MED16: variants seen among roughly 807,000 people sequenced by gnomAD.
MED16 encodes the protein mediator complex subunit 16.
A neutral mutation model predicts 84.4 loss-of-function variants in MED16; 81 were observed. The ratio of observed to expected loss-of-function variants is 0.96; its 90% CI spans 0.80 to 1.15. The LOEUF is 1.15. Among genes scored for constraint, MED16 ranks in the 50% most tolerant of loss-of-function variants. The pLI is 0.00. For missense variants in MED16, 1,585 were observed against 1,245.9 expected (o/e 1.27, Z -4.10); for synonymous variants, 897 against 552.2 (o/e 1.62, Z -8.76).
intron 14 of MED16, 90 bp from the exon 15 acceptor site, chr19:868,589 C>G: frequency 2.0e-6 from 3 of 1,527,388 alleles, no homozygotes; most frequent in Non-Finnish European, 2.6e-6. Context: ...AGGTCTCCCT[C>G]TGCTCGCCGT....
At chr19:875,891 G>A (rs936303286) in intron 9 of MED16, among the ~76,000 whole-genome samples, 7 of 152,162 alleles carry the variant, frequency 4.6e-5, no homozygotes, top group East Asian at 1.9e-4. Flanking sequence ...GAGGCTGGAG[G>A]ATTCCTGGAG....
intron 4 of MED16, among the ~76,000 whole-genome samples, chr19:887,404 A>C (rs764994870): frequency 3.9e-5 from 6 of 152,000 alleles, no homozygotes; most frequent in Non-Finnish European, 8.8e-5. Flanking sequence ...GCGGTGGCTC[A>C]CGCCTGTAAT....
intron 6 of MED16, among the ~76,000 whole-genome samples, chr19:882,790 C>T (rs988065459): frequency 6.6e-5 from 10 of 152,256 alleles, no homozygotes; most frequent in African/African-American, 2.4e-4. Context: ...AGCTGACTAC[C>T]ACGCAGCTGC....
At chr19:873,847 T>C (rs1000302859) in intron 10 of MED16, among the ~76,000 whole-genome samples, 1 of 152,098 alleles carries the variant, frequency 6.6e-6, no homozygotes, top group Admixed American at 6.5e-5. Context: ...CAGGTCCCCA[T>C]GCCAGGGCCA....
chr19:870,334 G>A (rs757029978), intron 13 of MED16, among the ~76,000 whole-genome samples: 2 of 152,130 alleles, frequency 1.3e-5, no homozygotes, highest in African/African-American at 2.4e-5. Context: ...GGCGAGGCAG[G>A]TGGATCACCT....
rs769405787 is a variant in MED16, at chr19:891,150, C to T, written c.-18-1G>A. ...CACACATGAGGGCAGTCACCAGCTCCTGCGGGAGGGAGGTGTGGTGGGACG... is the reference window on the plus strand; with the variant it reads ...CACACATGAGGGCAGTCACCAGCTCTTGCGGGAGGGAGGTGTGGTGGGACG... On this transcript the variant is annotated splice_acceptor_variant, in intron 1 of 15. Coordinates refer to ENST00000325464, the MANE Select transcript of MED16 (RefSeq NM_005481.3). LOFTEE classifies it low-confidence loss of function (5UTR_SPLICE). 2.5e-6 allele frequency: 4 copies of T among 1,604,718 alleles called. No individual in the cohort carries two copies. The highest frequency in any genetic ancestry group is 8.5e-7 in the Non-Finnish European group (1 of 1,174,344).
intron 2 of MED16, chr19:890,521 CT>C (rs2036611935): frequency 2.5e-6 from 1 of 392,950 alleles, no homozygotes. Flanking sequence ...TAATAGGTGG[CT>C]TTTTTGCACC....
Position 868,061 on chromosome 19 carries a change from C to A in MED16, c.*40G>T, listed in dbSNP as rs200916270. On this transcript the variant is annotated 3_prime_UTR_variant, in exon 16 of 16. Transcript: ENST00000325464. ...GAGGCAAGGAAACCGAGGAGACGCC[C>A]GAGCCGGGTCACCACAAGGTCCGCC... is the stretch of plus-strand genomic sequence containing the variant. 3 of 1,564,360 alleles carry A rather than the reference C, an allele frequency of 1.9e-6. No individual in the cohort carries two copies. The highest frequency in any genetic ancestry group is 1.2e-5 in the South Asian group (1 of 84,454).
chr19:886,233 G>A (rs781289909), intron 4 of MED16, 32 bp from the exon 5 acceptor site: 109 of 1,478,596 alleles, frequency 7.4e-5, no homozygotes, highest in Non-Finnish European at 9.0e-5. Context: ...AGGAGGGGCC[G>A]CTCAGGCTCA....
At chr19:880,649 G>T (rs1206925384) in intron 7 of MED16, among the ~76,000 whole-genome samples, 2 of 152,250 alleles carry the variant, frequency 1.3e-5, no homozygotes, top group African/African-American at 2.4e-5. Flanking sequence ...GCCGGGCGCG[G>T]TGGCTCACGC....
chr19:879,655 C>G (rs28604587), intron 8 of MED16, among the ~76,000 whole-genome samples: 20 of 116,972 alleles, frequency 1.7e-4, no homozygotes, highest in African/African-American at 2.7e-4. Context: ...TCACGTTCCC[C>G]TGGTTGTCAA....
chr19:869,456 A>T (rs1166816425), intron 13 of MED16, among the ~76,000 whole-genome samples: 2 of 152,130 alleles, frequency 1.3e-5, no homozygotes, highest in Non-Finnish European at 2.9e-5. Context: ...GGGCCGGCTT[A>T]TTCTGCTCTC....
At chr19:873,415 G>C in intron 11 of MED16, 34 bp downstream of exon 11, 3 of 1,591,286 alleles carry the variant, frequency 1.9e-6, no homozygotes, top group Non-Finnish European at 2.6e-6. Flanking sequence ...GGGCCCAGGT[G>C]GGGGGCGGGG....
In MED16 at chr19:889,751, C is replaced by T. The variant is rs1219892495; in HGVS notation, c.334G>A (p.Asp112Asn). The change falls in exon 4 of 16, where the codon GAC (aspartate) becomes AAC (asparagine). Residue 112 changes from aspartate (D) to asparagine (N), a missense_variant. Asp to Asn is a conservative substitution (Grantham distance 23). Transcript: ENST00000325464. ...CTCTCCCAGCTATTAGCCAGGTGGT[C>T]CGCCATGCTCCAGCACTTGATCTGC... Reference protein sequence around the residue: ...DGQIKCWSMADHLANSWESSV... With the variant: ...DGQIKCWSMANHLANSWESSV... The T allele has an allele frequency of 1.2e-6, 2 of 1,613,428 alleles. No homozygotes were observed. Among genetic ancestry groups the T allele is most frequent in the Non-Finnish European group, 1.7e-6 (2 of 1,179,854 alleles).
chr19:868,277 C>A (rs369426295), intron 15 of MED16, 26 bp from the exon 16 acceptor site: 35 of 1,588,848 alleles, frequency 2.2e-5, no homozygotes, highest in Non-Finnish European at 2.8e-5. Flanking sequence ...AGGTTAACCG[C>A]GCCGAGGAGA....
At position 871,166 on chromosome 19, in the gene MED16, A is replaced by T; in HGVS notation, c.2186T>A (p.Leu729Gln). 6.5e-7 allele frequency: 1 copy of T among 1,548,884 alleles called. No individual in the cohort carries two copies. The highest frequency in any genetic ancestry group is 8.7e-7 in the Non-Finnish European group (1 of 1,145,974). The change falls in exon 13 of 16, where the codon CTG becomes CAG. Residue 729 changes from leucine to glutamine, a missense_variant. Transcript: ENST00000325464. Reference sequence around the variant, plus strand: ...GCCGTCGCTGGCTGGCAGCCAGTCCAGGCTGGGGATAAGCAGCTGGCTGGG... The same window carrying T: ...GCCGTCGCTGGCTGGCAGCCAGTCCTGGCTGGGGATAAGCAGCTGGCTGGG... ...LLPSQLLIPS[L>Q]DWLPASDGLV...
Position 890,310 on chromosome 19 carries a change from A to G in MED16, c.170-66T>C, listed in dbSNP as rs76277763. The G allele has an allele frequency of 4.0e-3, 4,705 of 1,174,300 alleles. 123 individuals carry two copies. In the African/African-American group the frequency reaches 0.064, roughly 16 times the overall value. 72.7% of individuals were successfully genotyped at this position (1,174,300 alleles called of 1,614,324 possible). ...GCCTGCAGACGATGACGATGACTCCAGGCAGGCTCCAGGTAAGCCGGTGTG... is the reference window on the plus strand; with the variant it reads ...GCCTGCAGACGATGACGATGACTCCGGGCAGGCTCCAGGTAAGCCGGTGTG... On this transcript the variant is annotated intron_variant, in intron 2 of 15. Transcript: ENST00000325464.
chr19:889,491 C>T (rs1568333616), intron 4 of MED16, 147 bp downstream of exon 4: 1 of 849,078 alleles, frequency 1.2e-6, no homozygotes, highest in South Asian at 1.9e-5. Flanking sequence ...CACACAGGTG[C>T]TAATGACAGC....
In MED16 at chr19:881,724, CA is replaced by C. The variant is rs762485115; in HGVS notation, c.986-11del. On this transcript the variant is annotated splice_polypyrimidine_tract_variant and intron_variant, in intron 6 of 15. Transcript: ENST00000325464. ...GGCTGTTTGTCGCCAACTGAAAAAT[CA>C]GGGGCAGGAAAACAGGAAGGCAATG... The C allele has an allele frequency of 1.2e-6, 2 of 1,607,692 alleles. No homozygotes were observed. Among genetic ancestry groups the C allele is most frequent in the South Asian group, 2.2e-5 (2 of 90,800 alleles).
Sources: gnomAD v4.1 joint callset for allele counts (sites outside exome capture counted in the v4.1 genomes callset) on GRCh38, gnomAD v4.1.1 for gene constraint, MANE v1.5 for transcripts, NCBI Gene and HGNC (gene_info 2026-07-23, HGNC 2026-07-21) for gene names.